TBX20: variants seen among roughly 807,000 people sequenced by gnomAD.
The protein encoded by TBX20 is T-box transcription factor TBX20.
TBX20 carries 8 observed loss-of-function variants against 42.9 expected under a neutral mutation model. The ratio of observed to expected loss-of-function variants is 0.19; its 90% confidence interval spans 0.11 to 0.34. TBX20 has a LOEUF of 0.34. Ranked by LOEUF, TBX20 falls within the 10% of genes least tolerant of loss-of-function variation. The pLI, the probability that TBX20 is intolerant of heterozygous loss-of-function variation, is 1.00. For missense variants in TBX20, 411 were observed against 566.0 expected, an observed-to-expected ratio of 0.73 and a Z score of 2.78; for synonymous variants, 198 against 222.8, an observed-to-expected ratio of 0.89 and a Z score of 0.99.
In TBX20 at chr7:35,223,497, A is replaced by G. The variant is rs555211296; in HGVS notation, c.890+8007T>C. Among the ~76,000 whole-genome samples, 4 of 152,284 alleles carry G rather than the reference A, an allele frequency of 2.6e-5. No individual in the cohort carries two copies. In the South Asian group the frequency reaches 8.3e-4, roughly 32 times the overall value. ...CTGGAACACATGGTGTTTACAGATG[A>G]ATGAGATGAGGAGGAGCCAATGAAG... On this transcript the variant is annotated intron_variant, in intron 6 of 7. Coordinates refer to ENST00000408931, the MANE Select transcript of TBX20 (RefSeq NM_001077653.2).
chr7:35,204,386 T>G (rs1194578902), intron 7 of TBX20, 84 bp downstream of exon 7: 17 of 851,142 alleles, frequency 2.0e-5, no homozygotes, highest in Non-Finnish European at 3.0e-5. Flanking sequence ...CTCTGAGGAC[T>G]GGCCATCTCA....
At chr7:35,225,093 T>C (rs1474850470) in intron 6 of TBX20, among the ~76,000 whole-genome samples, 1 of 152,328 alleles carries the variant, frequency 6.6e-6, no homozygotes, top group Middle Eastern at 3.4e-3. Context: ...CACAAGAGAC[T>C]AAAATGAAAA....
chr7:35,250,331 G>T, intron 1 of TBX20, 128 bp from the exon 2 acceptor site: 1 of 846,684 alleles, frequency 1.2e-6, no homozygotes, highest in Non-Finnish European at 1.9e-6. Flanking sequence ...ACTCCAGGCA[G>T]GCTGTAGGGA....
chr7:35,231,133 A>G (rs1431982093), intron 6 of TBX20, among the ~76,000 whole-genome samples: 1 of 152,220 alleles, frequency 6.6e-6, no homozygotes, highest in Non-Finnish European at 1.5e-5. Flanking sequence ...GTGTTAGCAA[A>G]TATATCTACT....
chr7:35,215,192 A>T (rs1435966482), intron 6 of TBX20, among the ~76,000 whole-genome samples: 2 of 152,114 alleles, frequency 1.3e-5, no homozygotes, highest in Non-Finnish European at 2.9e-5. Flanking sequence ...CTAGGAGGGG[A>T]AAAGAGGGAT....
intron 6 of TBX20, among the ~76,000 whole-genome samples, chr7:35,216,612 C>G (rs754663291): frequency 1.3e-5 from 2 of 152,134 alleles, no homozygotes; most frequent in African/African-American, 4.8e-5. Flanking sequence ...ATTATGTGTT[C>G]CAGAAGGTGC....
chr7:35,220,171 C>G (rs1353476572), intron 6 of TBX20, among the ~76,000 whole-genome samples: 3 of 152,240 alleles, frequency 2.0e-5, no homozygotes, highest in Non-Finnish European at 1.5e-5. Context: ...AAGAAAGATA[C>G]CCGGGGTGGA....
chr7:35,206,188 G>A (rs1378850154), intron 6 of TBX20, among the ~76,000 whole-genome samples: 1 of 152,190 alleles, frequency 6.6e-6, no homozygotes, highest in Non-Finnish European at 1.5e-5. Context: ...ATCAACTAGG[G>A]ATCTTGAAAC....
chr7:35,244,906 T>C, intron 4 of TBX20, 43 bp downstream of exon 4: 1 of 1,456,954 alleles, frequency 6.9e-7, no homozygotes, highest in Non-Finnish European at 9.6e-7. Flanking sequence ...GACCTGTCCA[T>C]TCTACCTCAG....
At chr7:35,245,087 G>A (rs777484335) in intron 3 of TBX20, 30 bp from the exon 4 acceptor site, 20 of 1,482,326 alleles carry the variant, frequency 1.3e-5, no homozygotes, top group Non-Finnish European at 1.9e-5. Flanking sequence ...ACTTTATTGA[G>A]ACTTCTTTAA....
intron 3 of TBX20, among the ~76,000 whole-genome samples, chr7:35,247,165 CAAAAA>C (rs757916672): frequency 1.1e-4 from 9 of 79,632 alleles, no homozygotes; most frequent in East Asian, 4.1e-4. Flanking sequence ...GACTGGAGGG[CAAAAA>C]AAAAAAAAAA....
At chr7:35,233,809 T>C (rs1789912247) in intron 5 of TBX20, among the ~76,000 whole-genome samples, 1 of 152,352 alleles carries the variant, frequency 6.6e-6, no homozygotes, top group South Asian at 2.1e-4. Context: ...TTCATTAATA[T>C]GCTTTCACAA....
intron 6 of TBX20, among the ~76,000 whole-genome samples, chr7:35,210,109 ATTTTC>A (rs1483954788): frequency 7.3e-6 from 1 of 137,160 alleles, no homozygotes; most frequent in African/African-American, 2.7e-5. Context: ...TTTAGATAAT[ATTTTC>A]TTTTTTTTTT....
intron 5 of TBX20, among the ~76,000 whole-genome samples, chr7:35,238,698 C>A (rs1390491364): frequency 6.6e-6 from 1 of 152,194 alleles, no homozygotes; most frequent in East Asian, 1.9e-4. Flanking sequence ...AGAGAAACAG[C>A]ATTAGTGCTT....
intron 6 of TBX20, among the ~76,000 whole-genome samples, chr7:35,219,286 G>C (rs1789641452): frequency 6.6e-6 from 1 of 152,038 alleles, no homozygotes; most frequent in South Asian, 2.1e-4. Context: ...AGTTTTACAG[G>C]TCATATGGTC....
intron 5 of TBX20, among the ~76,000 whole-genome samples, chr7:35,234,169 A>T (rs1404258851): frequency 6.6e-6 from 1 of 152,240 alleles, no homozygotes; most frequent in South Asian, 2.1e-4. Context: ...TCTCTCTAAG[A>T]TATGAATCAT....
At chr7:35,206,724 T>C (rs959758766) in intron 6 of TBX20, among the ~76,000 whole-genome samples, 2 of 152,198 alleles carry the variant, frequency 1.3e-5, no homozygotes, top group African/African-American at 2.4e-5. Flanking sequence ...AGGAAACCAC[T>C]AATATAATTT....
chr7:35,250,283 G>C (rs1384731635), intron 1 of TBX20, 80 bp from the exon 2 acceptor site: 4 of 1,559,270 alleles, frequency 2.6e-6, no homozygotes, highest in Non-Finnish European at 3.5e-6. Context: ...TAACCAAATG[G>C]TCACTTGGAT....
At chr7:35,223,125 G>C (rs202203155) in intron 6 of TBX20, among the ~76,000 whole-genome samples, 1 of 151,926 alleles carries the variant, frequency 6.6e-6, no homozygotes, top group African/African-American at 2.4e-5. Flanking sequence ...GTTAATGTTT[G>C]GATGTGTAAA....
Sources: gnomAD v4.1 joint callset for allele counts (sites outside exome capture counted in the v4.1 genomes callset) on GRCh38, gnomAD v4.1.1 for gene constraint, MANE v1.5 for transcripts, NCBI Gene and HGNC (gene_info 2026-07-23, HGNC 2026-07-21) for gene names.